Variants in LRP1B observed in about 807,000 individuals in gnomAD.
LRP1B encodes the protein LDL receptor related protein 1B.
Under a neutral mutation model 556.6 loss-of-function variants are expected in LRP1B, and 217 were observed. The ratio of observed to expected loss-of-function variants is 0.39; its 90% CI spans 0.35 to 0.44. The LOEUF (loss-of-function observed/expected upper bound fraction) is 0.44. Among genes scored for constraint, LRP1B ranks in the 20% least tolerant of loss-of-function variants. LRP1B has a pLI of 1.00. For missense variants in LRP1B, 5,053 were observed against 5,620.8 expected (o/e 0.90, Z 3.23); for synonymous variants, 2,047 against 1,865.8 (o/e 1.10, Z -2.50).
intron 32 of LRP1B, among the ~76,000 whole-genome samples, chr2:140,785,692 C>A (rs1689872100): frequency 6.6e-6 from 1 of 152,126 alleles, no homozygotes; most frequent in Non-Finnish European, 1.5e-5. Context: ...CCCTAAATAT[C>A]CTCCTGATGT....
At chr2:140,686,870 T>G (rs1214532787) in intron 41 of LRP1B, among the ~76,000 whole-genome samples, 1 of 152,014 alleles carries the variant, frequency 6.6e-6, no homozygotes, top group Non-Finnish European at 1.5e-5. Flanking sequence ...TTTTATAGTA[T>G]AGGAAAGTGG....
At chr2:141,794,729 A>T (rs1239073480) in intron 2 of LRP1B, among the ~76,000 whole-genome samples, 5 of 152,052 alleles carry the variant, frequency 3.3e-5, no homozygotes, top group Non-Finnish European at 7.4e-5. Context: ...TTAATAAAGT[A>T]TATAATTGAT....
intron 2 of LRP1B, among the ~76,000 whole-genome samples, chr2:141,582,184 AG>A: frequency 6.6e-6 from 1 of 152,334 alleles, no homozygotes; most frequent in Non-Finnish European, 1.5e-5. Flanking sequence ...CTTTTCTCTA[AG>A]AAGTAAGGCT....
At chr2:140,789,221 A>T (rs1389480215) in intron 32 of LRP1B, among the ~76,000 whole-genome samples, 2 of 152,158 alleles carry the variant, frequency 1.3e-5, no homozygotes, top group African/African-American at 4.8e-5. Context: ...CCACTGAGAG[A>T]AAATTCACCT....
chr2:142,078,446 G>A (rs1574660208), intron 1 of LRP1B, among the ~76,000 whole-genome samples: 2 of 152,148 alleles, frequency 1.3e-5, no homozygotes, highest in Middle Eastern at 3.4e-3. Flanking sequence ...CAATTGTACA[G>A]TATGCTGTTG....
At chr2:140,457,774 A>T in intron 60 of LRP1B, 123 bp from the exon 61 acceptor site, 1 of 758,636 alleles carries the variant, frequency 1.3e-6, no homozygotes, top group South Asian at 2.1e-5. Flanking sequence ...TGCTGTGACA[A>T]CCTGTCAGGC....
Position 141,570,785 on chromosome 2 carries a change from A to G in LRP1B, c.206-90252T>C, listed in dbSNP as rs111851721. Among the ~76,000 whole-genome samples the G allele has an allele frequency of 2.0e-3, 302 of 151,424 alleles. 4 individuals carry two copies. The highest frequency in any genetic ancestry group is 6.9e-3 in the African/African-American group (288 of 41,518). On this transcript the variant is annotated intron_variant, in intron 2 of 90. Coordinates refer to ENST00000389484, the MANE Select transcript of LRP1B (RefSeq NM_018557.3). Reference sequence around the variant, plus strand: ...ACAGCCCAACACACCAGCTGTGGTAATCTGCAGCCAGAGTGCCTCTTCAGG... The same window carrying G: ...ACAGCCCAACACACCAGCTGTGGTAGTCTGCAGCCAGAGTGCCTCTTCAGG...
In LRP1B at chr2:142,018,739, T is replaced by C. The variant is rs559600542; in HGVS notation, c.82+111909A>G. ...TTAAGTCAAATATAGAACTGAATAA[T>C]TGCTGAATTAGTATTTATATCTAAT... On this transcript the variant is annotated intron_variant, in intron 1 of 90. Coordinates refer to ENST00000389484, the MANE Select transcript of LRP1B (RefSeq NM_018557.3). Among the ~76,000 whole-genome samples, 11 of 152,194 alleles carry C rather than the reference T, an allele frequency of 7.2e-5. No homozygotes were observed. The South Asian group carries it at 1.4e-3, about 20-fold the overall frequency.
intron 1 of LRP1B, among the ~76,000 whole-genome samples, chr2:141,832,466 C>T (rs1697145867): frequency 6.6e-6 from 1 of 151,318 alleles, no homozygotes; most frequent in African/African-American, 2.4e-5. Flanking sequence ...ACAAACATAC[C>T]TATTTTCTCT....
chr2:141,136,534 T>C (rs1390440828), intron 7 of LRP1B, among the ~76,000 whole-genome samples: 1 of 151,264 alleles, frequency 6.6e-6, no homozygotes, highest in Non-Finnish European at 1.5e-5. Flanking sequence ...TGCTTTAATA[T>C]CTATCTAGTA....
intron 5 of LRP1B, among the ~76,000 whole-genome samples, chr2:141,231,642 C>T (rs1683476746): frequency 6.7e-6 from 1 of 148,308 alleles, no homozygotes; most frequent in South Asian, 2.2e-4. Context: ...CACCCACAAC[C>T]TCCACGTGGC....
chr2:140,642,658 G>A (rs567670354), intron 41 of LRP1B, among the ~76,000 whole-genome samples: 1 of 152,118 alleles, frequency 6.6e-6, no homozygotes, highest in East Asian at 1.9e-4. Flanking sequence ...TGGCTAACAC[G>A]GTGAAACCCC....
In LRP1B at chr2:140,590,556, T is replaced by TTCTC. The variant is rs56276353; in HGVS notation, c.7194+8071_7194+8074dup. 3.0e-3 allele frequency among the ~76,000 whole-genome samples: 436 copies of TTCTC among 147,422 alleles called. 1 individual carries two copies. Among genetic ancestry groups the TTCTC allele is most frequent in the Non-Finnish European group, 5.4e-3 (358 of 66,650 alleles). On this transcript the variant is annotated intron_variant, in intron 43 of 90. Coordinates refer to ENST00000389484, the MANE Select transcript of LRP1B (RefSeq NM_018557.3). ...TATAGAATTTGTGGCCTAGATCTCT[T>TTCTC]TCTCTCTCTCTCTCTCTCTCTCTCC...
At chr2:140,432,061 G>A (rs920331020) in intron 66 of LRP1B, among the ~76,000 whole-genome samples, 3 of 151,944 alleles carry the variant, frequency 2.0e-5, no homozygotes, top group African/African-American at 4.8e-5. Context: ...CCAGATGGCC[G>A]GTTCCCGCCT....
intron 29 of LRP1B, among the ~76,000 whole-genome samples, chr2:140,842,870 AAC>A (rs967338813): frequency 6.6e-5 from 10 of 152,222 alleles, no homozygotes; most frequent in African/African-American, 2.2e-4. Context: ...GGCTATAGAT[AAC>A]ACAGAGGATT....
chr2:141,801,752 A>G (rs1696014211), intron 2 of LRP1B, among the ~76,000 whole-genome samples: 1 of 152,126 alleles, frequency 6.6e-6, no homozygotes, highest in East Asian at 1.9e-4. Context: ...TTCATTTCAC[A>G]TTTCTTTAAC....
intron 22 of LRP1B, 33 bp downstream of exon 22, chr2:140,907,844 A>G (rs1372509180): frequency 6.3e-7 from 1 of 1,589,446 alleles, no homozygotes. Flanking sequence ...TGTAGTTTTC[A>G]TGGAGAAGTC....
At chr2:141,195,113 T>C (rs1299727367) in intron 6 of LRP1B, among the ~76,000 whole-genome samples, 1 of 152,116 alleles carries the variant, frequency 6.6e-6, no homozygotes, top group African/African-American at 2.4e-5. Flanking sequence ...GAAGAGATGA[T>C]GGAGTATGAT....
rs766701322 is a variant in LRP1B, at chr2:140,457,655, T to C, written c.9626-4A>G. On this transcript the variant is annotated splice_polypyrimidine_tract_variant and splice_region_variant and intron_variant, in intron 60 of 90. Coordinates refer to ENST00000389484, the MANE Select transcript of LRP1B (RefSeq NM_018557.3). ...CCTGGAATATCTTGATTAGGGACTGTAATAGGAGATGGTAAGATTAATGTT... is the reference window on the plus strand; with the variant it reads ...CCTGGAATATCTTGATTAGGGACTGCAATAGGAGATGGTAAGATTAATGTT... 1 of 1,606,992 alleles carries C rather than the reference T, an allele frequency of 6.2e-7. No individual in the cohort carries two copies. Among genetic ancestry groups the C allele is most frequent in the Admixed American group, 1.7e-5 (1 of 59,940 alleles).
Sources: allele counts gnomAD v4.1 joint callset (sites outside exome capture counted in the v4.1 genomes callset), GRCh38; gene constraint gnomAD v4.1.1; transcripts MANE v1.5; gene names NCBI Gene and HGNC (gene_info 2026-07-23, HGNC 2026-07-21).